The following CACNA2D3 variants were observed in gnomAD, a reference collection of about 807,000 sequenced individuals.
CACNA2D3 encodes the protein calcium voltage-gated channel auxiliary subunit alpha2delta 3, also known as voltage-dependent calcium channel subunit alpha-2/delta-3.
A neutral mutation model predicts 160.6 loss-of-function variants in CACNA2D3; 60 were observed. The observed-to-expected ratio is 0.37, with a 90% CI of 0.30 to 0.46. The LOEUF (loss-of-function observed/expected upper bound fraction) is 0.46. CACNA2D3 is among the 20% of genes least tolerant of loss of function. CACNA2D3 has a pLI of 1.00. For synonymous variants in CACNA2D3, 558 were observed against 492.9 expected (o/e 1.13, Z -1.75); for missense variants, 1,205 against 1,365.0 (o/e 0.88, Z 1.85).
At chr3:54,469,126 G>C (rs1377765067) in intron 4 of CACNA2D3, among the ~76,000 whole-genome samples, 1 of 152,142 alleles carries the variant, frequency 6.6e-6, no homozygotes, top group Non-Finnish European at 1.5e-5. Context: ...TATTCCCCCT[G>C]ATTGGGAGAC....
intron 11 of CACNA2D3, among the ~76,000 whole-genome samples, chr3:54,736,587 A>G (rs1056179694): frequency 2.0e-5 from 3 of 152,160 alleles, no homozygotes; most frequent in Admixed American, 6.5e-5. Context: ...ATCATTTTCA[A>G]TTTGATAGGC....
intron 11 of CACNA2D3, among the ~76,000 whole-genome samples, chr3:54,703,309 T>G (rs904770974): frequency 1.3e-5 from 2 of 152,206 alleles, no homozygotes; most frequent in African/African-American, 4.8e-5. Flanking sequence ...AGTTTATTTG[T>G]ATTAACCTAC....
intron 27 of CACNA2D3, among the ~76,000 whole-genome samples, chr3:54,910,783 G>C (rs531255987): frequency 6.6e-6 from 1 of 152,232 alleles, no homozygotes; most frequent in South Asian, 2.1e-4. Flanking sequence ...CTGAAGTCCT[G>C]ATTGCATTCA....
chr3:54,845,072 T>A (rs975146527), intron 16 of CACNA2D3, among the ~76,000 whole-genome samples: 1 of 152,188 alleles, frequency 6.6e-6, no homozygotes, highest in East Asian at 1.9e-4. Context: ...GGATAGGAAA[T>A]CTCTGGTTTA....
intron 29 of CACNA2D3, among the ~76,000 whole-genome samples, chr3:54,979,584 G>C (rs1702463175): frequency 6.6e-6 from 1 of 152,036 alleles, no homozygotes; most frequent in Non-Finnish European, 1.5e-5. Flanking sequence ...AAAACAAAAA[G>C]GATCAGCAAT....
intron 11 of CACNA2D3, among the ~76,000 whole-genome samples, chr3:54,679,457 G>C (rs1321610431): frequency 6.6e-6 from 1 of 152,208 alleles, no homozygotes; most frequent in East Asian, 1.9e-4. Context: ...TCCTCTCTGT[G>C]TGCATCAATC....
rs185266862 is a variant in CACNA2D3 at position 54,203,290 on chromosome 3, T to A, written c.204+79696T>A. 5.8e-3 allele frequency among the ~76,000 whole-genome samples: 880 copies of A among 152,278 alleles called. 9 individuals carry two copies. Among genetic ancestry groups the A allele is most frequent in the Non-Finnish European group, 9.9e-3 (672 of 68,022 alleles). ...TGCGATGGGGGTGTGGCTCGCTTCT[T>A]CACTGCCTTGTTGCTCAAACCTCTA... is the stretch of plus-strand genomic sequence containing the variant. On this transcript the variant is annotated intron_variant, in intron 2 of 37. Transcript: ENST00000474759.
intron 34 of CACNA2D3, among the ~76,000 whole-genome samples, chr3:55,015,796 A>T (rs1441072628): frequency 6.6e-6 from 1 of 152,190 alleles, no homozygotes; most frequent in East Asian, 1.9e-4. Flanking sequence ...AGTGAAAAAG[A>T]TAGAAAGGTG....
At chr3:55,038,962 G>A (rs1703897057) in intron 35 of CACNA2D3, among the ~76,000 whole-genome samples, 1 of 148,216 alleles carries the variant, frequency 6.7e-6, no homozygotes. Flanking sequence ...AAGCTGGGAG[G>A]TTGGGGGGAT....
At chr3:54,583,019 A>G (rs922125934) in intron 9 of CACNA2D3, among the ~76,000 whole-genome samples, 43 of 152,306 alleles carry the variant, frequency 2.8e-4, no homozygotes, top group African/African-American at 1.0e-3. Context: ...TAACCTGAGA[A>G]TGCTCATTCA....
intron 3 of CACNA2D3, among the ~76,000 whole-genome samples, chr3:54,384,439 TTTTC>T (rs1392491385): frequency 6.6e-6 from 1 of 152,146 alleles, no homozygotes; most frequent in Non-Finnish European, 1.5e-5. Context: ...AAACACATAG[TTTTC>T]TTTCTTTTTA....
intron 27 of CACNA2D3, among the ~76,000 whole-genome samples, chr3:54,960,473 G>A (rs1702004776): frequency 6.6e-6 from 1 of 152,154 alleles, no homozygotes; most frequent in East Asian, 1.9e-4. Flanking sequence ...AGGTGTTTCT[G>A]CTGCTGTGAG....
intron 11 of CACNA2D3, among the ~76,000 whole-genome samples, chr3:54,744,363 C>A (rs1052918128): frequency 1.3e-5 from 2 of 152,142 alleles, no homozygotes; most frequent in African/African-American, 4.8e-5. Flanking sequence ...GCCAGATGTT[C>A]TTAGACAGTC....
At chr3:54,292,228 A>G (rs1703225490) in intron 2 of CACNA2D3, among the ~76,000 whole-genome samples, 1 of 152,254 alleles carries the variant, frequency 6.6e-6, no homozygotes, top group Non-Finnish European at 1.5e-5. Context: ...TAAAGCTCTT[A>G]GAAGAAAACA....
chr3:54,918,283 C>T (rs2106921654), intron 27 of CACNA2D3: 1 of 658,670 alleles, frequency 1.5e-6, no homozygotes, highest in South Asian at 2.1e-5. Flanking sequence ...AAAATCGCAA[C>T]ATAAATTCCT....
intron 4 of CACNA2D3, among the ~76,000 whole-genome samples, chr3:54,392,906 C>G (rs1477389327): frequency 6.6e-6 from 1 of 152,200 alleles, no homozygotes; most frequent in East Asian, 1.9e-4. Context: ...TTAGCAAGGA[C>G]AGTGGGAGAG....
chr3:54,504,877 T>A (rs1701345155), intron 5 of CACNA2D3, among the ~76,000 whole-genome samples: 1 of 152,178 alleles, frequency 6.6e-6, no homozygotes, highest in Non-Finnish European at 1.5e-5. Flanking sequence ...TGAGAGGATA[T>A]GAAATGATGT....
chr3:54,827,652 C>G (rs1027250101), intron 14 of CACNA2D3, among the ~76,000 whole-genome samples: 3 of 152,124 alleles, frequency 2.0e-5, no homozygotes, highest in African/African-American at 7.2e-5. Flanking sequence ...GCAAAATACA[C>G]AAAGATATTC....
intron 2 of CACNA2D3, among the ~76,000 whole-genome samples, chr3:54,143,649 G>A (rs565829476): frequency 1.3e-5 from 2 of 152,046 alleles, no homozygotes; most frequent in African/African-American, 2.4e-5. Context: ...ACAGGCGCCC[G>A]CCAGCATGCC....
Sources: allele counts gnomAD v4.1 joint callset (sites outside exome capture counted in the v4.1 genomes callset), GRCh38; gene constraint gnomAD v4.1.1; transcripts MANE v1.5; gene names NCBI Gene and HGNC (gene_info 2026-07-23, HGNC 2026-07-21).